Variants in CSMD2 observed in about 807,000 individuals in gnomAD.
CSMD2 encodes CUB and Sushi multiple domains 2.
CSMD2 carries 130 observed loss-of-function variants against 398.5 expected under a neutral mutation model. The ratio of observed to expected loss-of-function variants is 0.33; its 90% CI spans 0.28 to 0.38. The LOEUF is 0.38. Among genes scored for constraint, CSMD2 ranks in the 10% least tolerant of loss-of-function variants. The pLI is 1.00. For synonymous variants in CSMD2, 1,828 were observed against 1,908.5 expected (o/e 0.96, Z 1.10); for missense variants, 3,829 against 4,764.9 (o/e 0.80, Z 5.78).
chr1:33,980,483 C>T (rs1646128225), intron 3 of CSMD2, among the ~76,000 whole-genome samples: 1 of 152,208 alleles, frequency 6.6e-6, no homozygotes, highest in South Asian at 2.1e-4. Context: ...CATTCATATA[C>T]ATCCCAAGCA....
intron 1 of CSMD2, among the ~76,000 whole-genome samples, chr1:34,135,430 C>T (rs1164061120): frequency 6.6e-6 from 1 of 151,882 alleles, no homozygotes; most frequent in Non-Finnish European, 1.5e-5. Context: ...ACCATCTTGA[C>T]CAACATGGTG....
intron 1 of CSMD2, among the ~76,000 whole-genome samples, chr1:34,089,786 T>C (rs74068016): frequency 0.018 from 2,739 of 152,256 alleles, 49 homozygotes; most frequent in East Asian, 0.052. Flanking sequence ...TCCTGTTTCT[T>C]TCTAACGTGT....
Position 33,820,564 on chromosome 1 carries a change from G to GAAAA in CSMD2, c.1112-9_1112-8insTTTT. The GAAAA allele has an allele frequency of 6.3e-6, 3 of 479,412 alleles. No individual in the cohort carries two copies. The highest frequency in any genetic ancestry group is 4.7e-5 in the East Asian group (1 of 21,282). The allele number at this position is 479,412 out of a possible 1,614,324, so 29.7% of individuals were successfully genotyped here. ...ACACACCAACCTGAGTTACTACAAGGCAAAAAAAAAAAAAAAAAAAAAAAC... is the reference window on the plus strand; with the variant it reads ...ACACACCAACCTGAGTTACTACAAGGAAAACAAAAAAAAAAAAAAAAAAAAAAAC... On this transcript the variant is annotated splice_polypyrimidine_tract_variant and intron_variant, in intron 7 of 70. Transcript: ENST00000373381.
At chr1:33,710,873 C>T (rs1364765117) in intron 21 of CSMD2, among the ~76,000 whole-genome samples, 2 of 152,196 alleles carry the variant, frequency 1.3e-5, no homozygotes, top group Non-Finnish European at 2.9e-5. Flanking sequence ...GTCCCACCAC[C>T]AAGTCCCTAC....
At chr1:33,916,052 G>T (rs1408882099) in intron 5 of CSMD2, among the ~76,000 whole-genome samples, 1 of 152,098 alleles carries the variant, frequency 6.6e-6, no homozygotes, top group Non-Finnish European at 1.5e-5. Flanking sequence ...TAGCTCTAAA[G>T]AGCTTATAAC....
chr1:34,056,709 A>G (rs1193015680), intron 2 of CSMD2, among the ~76,000 whole-genome samples: 1 of 122,962 alleles, frequency 8.1e-6, no homozygotes, highest in Non-Finnish European at 1.7e-5. Context: ...AATGTTCAGC[A>G]CCTGTTTAGC....
intron 25 of CSMD2, among the ~76,000 whole-genome samples, chr1:33,667,215 G>A (rs893693901): frequency 6.6e-6 from 1 of 152,216 alleles, no homozygotes; most frequent in African/African-American, 2.4e-5. Context: ...GAATGAGTGA[G>A]TGAATCAATG....
At chr1:33,982,487 G>C (rs1432700550) in intron 3 of CSMD2, among the ~76,000 whole-genome samples, 1 of 152,186 alleles carries the variant, frequency 6.6e-6, no homozygotes, top group Non-Finnish European at 1.5e-5. Flanking sequence ...GGAGGAGAGA[G>C]GTTATCCTGA....
chr1:33,517,328 G>C (rs1653854316), intron 70 of CSMD2, among the ~76,000 whole-genome samples: 1 of 152,100 alleles, frequency 6.6e-6, no homozygotes, highest in African/African-American at 2.4e-5. Flanking sequence ...CTGAGGGCTG[G>C]CCAGATGTGG....
chr1:34,093,943 A>G (rs968268658), intron 1 of CSMD2, among the ~76,000 whole-genome samples: 103 of 150,534 alleles, frequency 6.8e-4, no homozygotes, highest in Non-Finnish European at 1.1e-3. Flanking sequence ...AGCAACTCCA[A>G]GACACATAAT....
At chr1:34,020,634 T>C (rs200138340) in intron 3 of CSMD2, among the ~76,000 whole-genome samples, 1 of 149,008 alleles carries the variant, frequency 6.7e-6, no homozygotes. Context: ...CGGTGGAGAG[T>C]GTGGGCTTTG....
chr1:33,782,386 C>T lies in CSMD2; in HGVS notation c.1663+6214G>A, dbSNP rs565938861. Among the ~76,000 whole-genome samples, 3 of 152,170 alleles carry T rather than the reference C, an allele frequency of 2.0e-5. No homozygotes were observed. In the South Asian group the frequency reaches 6.2e-4, roughly 32 times the overall value. The stretch of plus-strand genomic sequence containing the variant: ...ACTGAGCATTTACTAAATGTCAGGC[C>T]CTATGCTGGGTGCTTGACTATACTG... On this transcript the variant is annotated intron_variant, in intron 12 of 70. Coordinates refer to ENST00000373381, the MANE Select transcript of CSMD2 (RefSeq NM_001281956.2).
rs780418233 is a variant in CSMD2 at position 33,622,189 on chromosome 1, A to G, written c.5805T>C (p.Ala1935=). 6.2e-7 allele frequency: 1 copy of G among 1,613,934 alleles called. No individual in the cohort carries two copies. The highest frequency in any genetic ancestry group is 1.1e-5 in the South Asian group (1 of 91,078). Residue 1935 remains alanine (A), a synonymous_variant, in exon 37 of 71, where the codon GCT becomes GCC. Transcript: ENST00000373381. Reference sequence around the variant, plus strand: ...CACTTTTGTACTCCAAGTGGAAGCCAGCTGCAGATACGCTGATATCTGAGT... The same window carrying G: ...CACTTTTGTACTCCAAGTGGAAGCCGGCTGCAGATACGCTGATATCTGAGT... The part of the protein sequence containing the change: ...HFYSDISVSA[A]GFHLEYKTVG...
chr1:33,769,865 T>G (rs1651029532), intron 13 of CSMD2, among the ~76,000 whole-genome samples: 1 of 152,206 alleles, frequency 6.6e-6, no homozygotes, highest in African/African-American at 2.4e-5. Flanking sequence ...TTGTGACTAA[T>G]GTATTGGAAA....
intron 41 of CSMD2, chr1:33,605,914 T>G (rs373012944): frequency 1.2e-6 from 2 of 1,613,596 alleles, no homozygotes; most frequent in Non-Finnish European, 1.7e-6. Context: ...ACGGGAGGAG[T>G]TGAGTTGGTT....
At chr1:33,950,598 C>T (rs776120002) in intron 3 of CSMD2, among the ~76,000 whole-genome samples, 1 of 152,040 alleles carries the variant, frequency 6.6e-6, no homozygotes, top group African/African-American at 2.4e-5. Flanking sequence ...TTGAGGGAAA[C>T]GTGGTTGAGA....
intron 3 of CSMD2, among the ~76,000 whole-genome samples, chr1:33,948,672 CT>C (rs1644912896): frequency 6.6e-6 from 1 of 152,182 alleles, no homozygotes; most frequent in Non-Finnish European, 1.5e-5. Flanking sequence ...GATTAATAAA[CT>C]TTTGCACAGG....
chr1:33,903,976 G>T (rs1238021928), intron 5 of CSMD2, among the ~76,000 whole-genome samples: 4 of 152,204 alleles, frequency 2.6e-5, no homozygotes, highest in African/African-American at 9.7e-5. Flanking sequence ...CAGGGAACCT[G>T]CTTAGCCCAC....
At chr1:33,595,195 G>T (rs190521919) in intron 44 of CSMD2, among the ~76,000 whole-genome samples, 34 of 152,150 alleles carry the variant, frequency 2.2e-4, no homozygotes. Context: ...CCTTTAGTCT[G>T]GAATGGTTCC....
Sources: gnomAD v4.1 joint callset for allele counts (sites outside exome capture counted in the v4.1 genomes callset) on GRCh38, gnomAD v4.1.1 for gene constraint, MANE v1.5 for transcripts, NCBI Gene and HGNC (gene_info 2026-07-23, HGNC 2026-07-21) for gene names.